Variants in ZNF804B observed in about 807,000 individuals in gnomAD.
ZNF804B encodes zinc finger protein 804B.
ZNF804B carries 80 observed loss-of-function variants against 101.4 expected under a neutral mutation model. That is an observed-to-expected ratio of 0.79 (90% CI 0.66 to 0.95). ZNF804B has a LOEUF of 0.95. Among genes scored for constraint, ZNF804B ranks in the 40% least tolerant of loss-of-function variants. The probability of loss-of-function intolerance (pLI) is 0.00; values close to 1 mark genes in which losing one functional copy is unlikely to be tolerated. For synonymous variants in ZNF804B, 622 were observed against 558.8 expected (o/e 1.11, Z -1.59); for missense variants, 1,673 against 1,561.9 (o/e 1.07, Z -1.20).
intron 1 of ZNF804B, among the ~76,000 whole-genome samples, chr7:89,154,735 A>T (rs1039910641): frequency 6.6e-6 from 1 of 152,042 alleles, no homozygotes; most frequent in Non-Finnish European, 1.5e-5. Flanking sequence ...GGGGGCTGGG[A>T]GGGAAAAGTC....
intron 1 of ZNF804B, among the ~76,000 whole-genome samples, chr7:88,913,408 C>T (rs10236983): frequency 0.47 from 72,001 of 151,866 alleles, 19,680 homozygotes; most frequent in African/African-American, 0.76. Context: ...GATGCTTTTT[C>T]TTCGAGATGG....
chr7:88,853,312 T>G, intron 1 of ZNF804B, among the ~76,000 whole-genome samples: 1 of 152,064 alleles, frequency 6.6e-6, no homozygotes, highest in South Asian at 2.1e-4. Context: ...AGGAACACAA[T>G]TGGAAGCAGA....
At chr7:88,817,107 T>C (rs1387856654) in intron 1 of ZNF804B, among the ~76,000 whole-genome samples, 1 of 152,094 alleles carries the variant, frequency 6.6e-6, no homozygotes, top group East Asian at 1.9e-4. Flanking sequence ...CTGGAAACCA[T>C]CATTCTCAGC....
At chr7:89,327,890 TTGTC>T (rs1363453526) in intron 3 of ZNF804B, among the ~76,000 whole-genome samples, 2 of 152,000 alleles carry the variant, frequency 1.3e-5, no homozygotes, top group Admixed American at 6.6e-5. Context: ...AACACGATCA[TTGTC>T]TGGCTGACAA....
chr7:88,923,015 C>T (rs1229720232), intron 1 of ZNF804B, among the ~76,000 whole-genome samples: 1 of 151,786 alleles, frequency 6.6e-6, no homozygotes, highest in Non-Finnish European at 1.5e-5. Context: ...ATAGAGAAGC[C>T]CTATATATTC....
At chr7:89,203,088 C>T (rs548902217) in intron 1 of ZNF804B, among the ~76,000 whole-genome samples, 1 of 152,050 alleles carries the variant, frequency 6.6e-6, no homozygotes, top group East Asian at 1.9e-4. Flanking sequence ...CTCAGTATGG[C>T]TTGTTGAGTT....
rs368927827 is a variant in ZNF804B, at chr7:89,285,215, T to A, written c.250-42129T>A. Among the ~76,000 whole-genome samples, 217 of 150,850 alleles carry A rather than the reference T, an allele frequency of 1.4e-3. 1 individual carries two copies. Among genetic ancestry groups the A allele is most frequent in the African/African-American group, 5.0e-3 (204 of 41,034 alleles). On this transcript the variant is annotated intron_variant, in intron 2 of 3. Transcript: ENST00000333190. Reference sequence around the variant, plus strand: ...GCTTGGGCAACAGAGCAAGACCCTGTCACAAAAAAATAAAAGAAGAAAATA... The same window carrying A: ...GCTTGGGCAACAGAGCAAGACCCTGACACAAAAAAATAAAAGAAGAAAATA...
intron 1 of ZNF804B, among the ~76,000 whole-genome samples, chr7:88,811,619 T>C (rs1037160227): frequency 6.6e-6 from 1 of 152,146 alleles, no homozygotes; most frequent in Non-Finnish European, 1.5e-5. Context: ...GTGGTACATA[T>C]ACACCTGGAG....
intron 1 of ZNF804B, among the ~76,000 whole-genome samples, chr7:88,819,197 C>T (rs1015768081): frequency 1.3e-5 from 2 of 152,136 alleles, no homozygotes; most frequent in African/African-American, 4.8e-5. Context: ...GATCGTGGCT[C>T]ACTGTAACCT....
At chr7:88,875,796 G>A (rs181776444) in intron 1 of ZNF804B, among the ~76,000 whole-genome samples, 2 of 152,126 alleles carry the variant, frequency 1.3e-5, no homozygotes, top group Admixed American at 6.5e-5. Context: ...GGGAATCCTC[G>A]CTAACTCATT....
At chr7:89,190,134 G>C (rs1019163345) in intron 1 of ZNF804B, among the ~76,000 whole-genome samples, 3 of 151,808 alleles carry the variant, frequency 2.0e-5, no homozygotes, top group Non-Finnish European at 4.4e-5. Context: ...TTAATAGCAA[G>C]AAAACAGCCA....
chr7:89,156,053 T>TTTCC (rs1491485557), intron 1 of ZNF804B, among the ~76,000 whole-genome samples: 3 of 89,904 alleles, frequency 3.3e-5, no homozygotes, highest in Non-Finnish European at 7.9e-5. Context: ...TCTTTCTTTC[T>TTTCC]TTCTTTCTTT....
chr7:89,162,244 T>G (rs1043200698), intron 1 of ZNF804B, among the ~76,000 whole-genome samples: 2 of 152,136 alleles, frequency 1.3e-5, no homozygotes, highest in Admixed American at 6.6e-5. Context: ...TTTAAAAACA[T>G]TCAATTCCCC....
chr7:89,057,197 A>G (rs963817678), intron 1 of ZNF804B, among the ~76,000 whole-genome samples: 1 of 152,138 alleles, frequency 6.6e-6, no homozygotes, highest in African/African-American at 2.4e-5. Flanking sequence ...AAACAGTCTT[A>G]TGACCCCAGT....
chr7:88,805,730 A>T (rs1790675679), intron 1 of ZNF804B, among the ~76,000 whole-genome samples: 1 of 152,154 alleles, frequency 6.6e-6, no homozygotes, highest in African/African-American at 2.4e-5. Context: ...ATGCAGTGGT[A>T]TGGGAAGTAT....
intron 2 of ZNF804B, among the ~76,000 whole-genome samples, chr7:89,259,361 A>G (rs1441721554): frequency 1.3e-5 from 2 of 152,028 alleles, no homozygotes; most frequent in Non-Finnish European, 1.5e-5. Context: ...CTCTTTTATG[A>G]TTTCCTTGAT....
chr7:88,987,360 G>A (rs192790997), intron 1 of ZNF804B, among the ~76,000 whole-genome samples: 9 of 152,232 alleles, frequency 5.9e-5, no homozygotes, highest in Non-Finnish European at 1.2e-4. Context: ...TAAAAACCCA[G>A]CACATTTCTG....
chr7:89,258,165 T>C (rs758170189), intron 2 of ZNF804B, among the ~76,000 whole-genome samples: 1 of 152,088 alleles, frequency 6.6e-6, no homozygotes, highest in African/African-American at 2.4e-5. Flanking sequence ...TTTTATTAGG[T>C]ATTATAAATA....
chr7:88,938,893 T>C (rs555053707), intron 1 of ZNF804B, among the ~76,000 whole-genome samples: 27 of 152,164 alleles, frequency 1.8e-4, no homozygotes, highest in African/African-American at 6.5e-4. Context: ...AGAAAGAAGT[T>C]AATTAAACCT....
Sources: gnomAD v4.1 joint callset for allele counts (sites outside exome capture counted in the v4.1 genomes callset) on GRCh38, gnomAD v4.1.1 for gene constraint, MANE v1.5 for transcripts, NCBI Gene and HGNC (gene_info 2026-07-23, HGNC 2026-07-21) for gene names.